IMMP2L: variants seen among roughly 807,000 people sequenced by gnomAD.
IMMP2L encodes the protein inner mitochondrial membrane peptidase subunit 2, also known as mitochondrial inner membrane protease subunit 2.
IMMP2L carries 18 observed loss-of-function variants against 19.3 expected under a neutral mutation model. The observed-to-expected ratio is 0.93, with a 90% CI of 0.64 to 1.38. The LOEUF is 1.38. Among genes scored for constraint, IMMP2L ranks in the 40% most tolerant of loss-of-function variants. The pLI, the probability that IMMP2L is intolerant of heterozygous loss-of-function variation, is 0.00. For synonymous variants in IMMP2L, 76 were observed against 73.0 expected, an observed-to-expected ratio of 1.04 and a Z score of -0.21; for missense variants, 233 against 218.2, an observed-to-expected ratio of 1.07 and a Z score of -0.43.
intron 5 of IMMP2L, among the ~76,000 whole-genome samples, chr7:110,864,483 C>T (rs1268204286): frequency 6.6e-6 from 1 of 152,018 alleles, no homozygotes; most frequent in Non-Finnish European, 1.5e-5. Context: ...TTGACCAAGC[C>T]ATCATTTAAT....
chr7:111,453,145 G>A (rs1839371586), intron 3 of IMMP2L, among the ~76,000 whole-genome samples: 1 of 152,082 alleles, frequency 6.6e-6, no homozygotes, highest in African/African-American at 2.4e-5. Context: ...TGCTACAACT[G>A]GAAGTAATCT....
chr7:110,700,472 A>G (rs1203329029), intron 5 of IMMP2L, among the ~76,000 whole-genome samples: 1 of 152,200 alleles, frequency 6.6e-6, no homozygotes, highest in Non-Finnish European at 1.5e-5. Flanking sequence ...AACTACTGCA[A>G]TCCCCGTAGT....
At chr7:111,077,406 T>A (rs909536365) in intron 3 of IMMP2L, among the ~76,000 whole-genome samples, 18 of 152,244 alleles carry the variant, frequency 1.2e-4, no homozygotes, top group Admixed American at 1.1e-3. Context: ...TCTCACTTTA[T>A]AGCACCATTA....
chr7:110,737,148 G>T (rs1253101484), intron 5 of IMMP2L, among the ~76,000 whole-genome samples: 1 of 152,162 alleles, frequency 6.6e-6, no homozygotes, highest in Non-Finnish European at 1.5e-5. Flanking sequence ...ACTACAGCAG[G>T]AACACACCAG....
chr7:111,285,851 T>C (rs1039689392), intron 3 of IMMP2L, among the ~76,000 whole-genome samples: 3 of 152,192 alleles, frequency 2.0e-5, no homozygotes, highest in Non-Finnish European at 4.4e-5. Context: ...ACAGGGATAC[T>C]ATTAAATACA....
chr7:110,880,128 T>C (rs1809495774), intron 5 of IMMP2L, among the ~76,000 whole-genome samples: 1 of 152,248 alleles, frequency 6.6e-6, no homozygotes, highest in East Asian at 1.9e-4. Flanking sequence ...CATTTTTGCT[T>C]ACTTGATTCA....
intron 3 of IMMP2L, among the ~76,000 whole-genome samples, chr7:111,053,857 A>C (rs1563197301): frequency 6.6e-6 from 1 of 152,210 alleles, no homozygotes; most frequent in African/African-American, 2.4e-5. Flanking sequence ...AGATTACAGA[A>C]TAATAAAACC....
intron 4 of IMMP2L, among the ~76,000 whole-genome samples, chr7:110,942,340 T>C (rs1194703296): frequency 6.6e-6 from 1 of 151,834 alleles, no homozygotes; most frequent in African/African-American, 2.4e-5. Flanking sequence ...ACACTGGAAG[T>C]GTTTTAAAAA....
intron 3 of IMMP2L, among the ~76,000 whole-genome samples, chr7:111,104,623 C>A (rs1052633676): frequency 6.6e-6 from 1 of 151,674 alleles, no homozygotes; most frequent in Non-Finnish European, 1.5e-5. Context: ...CCTATCTAGT[C>A]TTTTTGATTC....
intron 3 of IMMP2L, among the ~76,000 whole-genome samples, chr7:111,446,744 C>A (rs963768928): frequency 1.3e-5 from 2 of 152,112 alleles, no homozygotes; most frequent in Non-Finnish European, 2.9e-5. Context: ...ACGCTTCAGA[C>A]GATCAAATTA....
At chr7:110,909,908 A>G (rs1023184297) in intron 4 of IMMP2L, among the ~76,000 whole-genome samples, 17 of 145,434 alleles carry the variant, frequency 1.2e-4, no homozygotes, top group Non-Finnish European at 2.2e-4. Flanking sequence ...GAGAGAGAGA[A>G]AGAGAGAGAG....
intron 1 of IMMP2L, among the ~76,000 whole-genome samples, chr7:111,523,119 GTAGT>G: frequency 6.6e-6 from 1 of 151,958 alleles, no homozygotes; most frequent in South Asian, 2.1e-4. Context: ...AGAAGGTGGG[GTAGT>G]TAGTGGGGAG....
intron 3 of IMMP2L, among the ~76,000 whole-genome samples, chr7:111,004,112 G>T (rs1456129324): frequency 6.6e-6 from 1 of 152,042 alleles, no homozygotes; most frequent in Admixed American, 6.6e-5. Context: ...TTGAATGCTT[G>T]GTTTCACCAT....
intron 3 of IMMP2L, among the ~76,000 whole-genome samples, chr7:111,143,974 T>TA (rs1803205894): frequency 6.6e-6 from 1 of 152,132 alleles, no homozygotes; most frequent in Non-Finnish European, 1.5e-5. Context: ...TGGAAAACTT[T>TA]AAAAAATTAT....
At chr7:111,229,343 T>G (rs1409645590) in intron 3 of IMMP2L, among the ~76,000 whole-genome samples, 1 of 152,078 alleles carries the variant, frequency 6.6e-6, no homozygotes, top group Non-Finnish European at 1.5e-5. Flanking sequence ...TACGTATGTA[T>G]CCATTGATAC....
At chr7:111,171,060 T>C (rs1409450589) in intron 3 of IMMP2L, among the ~76,000 whole-genome samples, 1 of 151,808 alleles carries the variant, frequency 6.6e-6, no homozygotes, top group Non-Finnish European at 1.5e-5. Context: ...TTGTATTTCA[T>C]AGGTTTACTT....
At chr7:111,449,322 C>A (rs1420537773) in intron 3 of IMMP2L, among the ~76,000 whole-genome samples, 1 of 129,116 alleles carries the variant, frequency 7.7e-6, no homozygotes, top group Non-Finnish European at 1.6e-5. Context: ...AAAATACTGG[C>A]AAACCGAATT....
At chr7:111,101,433 G>A (rs1797963540) in intron 3 of IMMP2L, among the ~76,000 whole-genome samples, 1 of 151,536 alleles carries the variant, frequency 6.6e-6, no homozygotes, top group African/African-American at 2.4e-5. Context: ...ATCTGTGAGA[G>A]TAACACCTAA....
chr7:110,767,523 A>T (rs769294417), intron 5 of IMMP2L, among the ~76,000 whole-genome samples: 1 of 152,132 alleles, frequency 6.6e-6, no homozygotes, highest in Admixed American at 6.6e-5. Context: ...TGACTTGCAA[A>T]TCCACTTCTC....
Sources: allele counts gnomAD v4.1 joint callset (sites outside exome capture counted in the v4.1 genomes callset), GRCh38; gene constraint gnomAD v4.1.1; transcripts MANE v1.5; gene names NCBI Gene and HGNC (gene_info 2026-07-23, HGNC 2026-07-21).